Variants in RFC1 observed in about 807,000 individuals in gnomAD.
RFC1 encodes the protein A1 140 kDa subunit.
In RFC1, 37 loss-of-function variants were observed where a neutral mutation model predicts 137.4. The observed-to-expected ratio is 0.27, with a 90% CI of 0.21 to 0.35. RFC1 has a LOEUF of 0.35. Among genes scored for constraint, RFC1 ranks in the 10% least tolerant of loss-of-function variants. The pLI is 1.00. For synonymous variants in RFC1, 429 were observed against 455.7 expected (o/e 0.94, Z 0.75); for missense variants, 1,205 against 1,358.5 (o/e 0.89, Z 1.78).
chr4:39,303,200 T>C (rs753783240), intron 15 of RFC1, 49 bp from the exon 16 acceptor site: 8 of 1,282,944 alleles, frequency 6.2e-6, no homozygotes, highest in Non-Finnish European at 9.1e-6. Flanking sequence ...AAAATAACAA[T>C]TGCTCAAAAA....
At chr4:39,309,300 TGAAAAAAA>T (rs1268732973) in intron 12 of RFC1, among the ~76,000 whole-genome samples, 9 of 152,140 alleles carry the variant, frequency 5.9e-5, no homozygotes, top group Non-Finnish European at 1.2e-4. Flanking sequence ...AATTTTAGTT[TGAAAAAAA>T]CAAGGTACAG....
chr4:39,302,079 A>G (rs994177928), intron 19 of RFC1, among the ~76,000 whole-genome samples, 199 bp downstream of exon 19: 4 of 152,250 alleles, frequency 2.6e-5, no homozygotes, highest in Admixed American at 6.5e-5. Flanking sequence ...CTCAAAATTT[A>G]TAATTGACAT....
Position 39,326,596 on chromosome 4 carries a change from G to C in RFC1, c.609C>G (p.Ile203Met). The C allele has an allele frequency of 6.2e-7, 1 of 1,613,080 alleles. No homozygotes were observed. The highest frequency in any genetic ancestry group is 8.5e-7 in the Non-Finnish European group (1 of 1,179,304). ...TDESGLNDEA[I>M]AKQLQLDEDA... The stretch of plus-strand genomic sequence containing the variant: ...CTTCATCAAGCTGTAATTGCTTGGC[G>C]ATGGCTTCATCATTTAATCCAGACT... Residue 203 changes from isoleucine to methionine, a missense_variant, in exon 6 of 25, where the codon ATC (isoleucine) becomes ATG (methionine). Transcript: ENST00000349703.
chr4:39,365,321 C>CT, intron 1 of RFC1: 1 of 333,680 alleles, frequency 3.0e-6, no homozygotes, highest in Non-Finnish European at 4.3e-6. Context: ...CACCGCCCCC[C>CT]CCCAGAATGT....
intron 1 of RFC1, among the ~76,000 whole-genome samples, chr4:39,361,465 T>C (rs562169925): frequency 2.0e-5 from 3 of 152,334 alleles, no homozygotes; most frequent in East Asian, 3.9e-4. Context: ...AGTAAGCAGT[T>C]GGAGGGCTTT....
intron 6 of RFC1, among the ~76,000 whole-genome samples, chr4:39,325,179 C>T (rs1212430324): frequency 6.6e-6 from 1 of 152,154 alleles, no homozygotes; most frequent in African/African-American, 2.4e-5. Context: ...TAATGATTTC[C>T]AAATGTCCAT....
intron 10 of RFC1, 83 bp downstream of exon 10, chr4:39,316,832 G>T: frequency 1.3e-6 from 1 of 773,518 alleles, no homozygotes; most frequent in East Asian, 2.6e-5. Context: ...TTAATCCTCT[G>T]CTGCTATAAT....
intron 19 of RFC1, among the ~76,000 whole-genome samples, chr4:39,301,529 G>A (rs1161239260): frequency 6.6e-6 from 1 of 152,200 alleles, no homozygotes; most frequent in Non-Finnish European, 1.5e-5. Flanking sequence ...GTGCGTGTGA[G>A]GGGGACATGA....
At position 39,366,228 on chromosome 4, in the gene RFC1, C is replaced by A; in HGVS notation, c.3+11G>T. 6.4e-7 allele frequency: 1 copy of A among 1,553,186 alleles called. No individual in the cohort carries two copies. Among genetic ancestry groups the A allele is most frequent in the East Asian group, 2.5e-5 (1 of 40,558 alleles). On this transcript the variant is annotated intron_variant, in intron 1 of 24. Transcript: ENST00000349703. ...AGACCCCGAGCCGCACGGCCTCCCC[C>A]AGCGGCTCACCATCGCAGCCCCAGG...
chr4:39,324,388 C>T (rs1255468235), intron 6 of RFC1, among the ~76,000 whole-genome samples: 2 of 152,222 alleles, frequency 1.3e-5, no homozygotes, highest in East Asian at 3.9e-4. Context: ...ATACAAAGTA[C>T]CACACCTGGT....
chr4:39,355,069 G>A (rs1276776439), intron 1 of RFC1, among the ~76,000 whole-genome samples: 7 of 124,102 alleles, frequency 5.6e-5, no homozygotes, highest in South Asian at 5.1e-4. Context: ...GCGACAGAGC[G>A]ACACTCATCT....
rs371125399 is a variant in RFC1 at position 39,302,702 on chromosome 4, C to T, written c.2340+35G>A. ...AAAAATTGACCCTTAAATAAATAGG[C>T]TAGTGTGATGGAAAAAAAATTTCAA... On this transcript the variant is annotated intron_variant, in intron 17 of 24. Coordinates refer to ENST00000349703, the MANE Select transcript of RFC1 (RefSeq NM_002913.5). 1.5e-4 allele frequency: 235 copies of T among 1,544,806 alleles called. No individual in the cohort carries two copies. The African/African-American group carries it at 2.9e-3, about 19-fold the overall frequency.
rs972701883 is a variant in RFC1 at position 39,348,062 on chromosome 4, C to T, written c.133-2586G>A. 5.3e-5 allele frequency among the ~76,000 whole-genome samples: 8 copies of T among 152,050 alleles called. No individual in the cohort carries two copies. In the East Asian group the frequency reaches 9.6e-4, roughly 18 times the overall value. ...GGAAGAGATGAACTAATGAAGAAAC[C>T]GGTCAGCCAAAAGGGACCAGAACTT... is the stretch of plus-strand genomic sequence containing the variant. On this transcript the variant is annotated intron_variant, in intron 2 of 24. Transcript: ENST00000349703.
intron 4 of RFC1, among the ~76,000 whole-genome samples, chr4:39,330,265 G>A (rs1740032131): frequency 6.6e-6 from 1 of 152,016 alleles, no homozygotes; most frequent in Non-Finnish European, 1.5e-5. Context: ...CTAATGATAT[G>A]TAAAAATCAA....
At chr4:39,301,767 G>A (rs370610173) in intron 19 of RFC1, among the ~76,000 whole-genome samples, 4 of 152,172 alleles carry the variant, frequency 2.6e-5, no homozygotes, top group African/African-American at 7.2e-5. Context: ...GAAACATAGC[G>A]AGACCCTGTC....
intron 1 of RFC1, among the ~76,000 whole-genome samples, chr4:39,358,283 A>G (rs1741582912): frequency 1.3e-5 from 2 of 152,164 alleles, no homozygotes; most frequent in Non-Finnish European, 2.9e-5. Context: ...AAAAAAAAAG[A>G]AATTAAGTCC....
At chr4:39,296,054 G>A (rs1737973788) in intron 21 of RFC1, among the ~76,000 whole-genome samples, 1 of 152,100 alleles carries the variant, frequency 6.6e-6, no homozygotes, top group African/African-American at 2.4e-5. Context: ...TTACCTCACC[G>A]ATGCCAACGT....
chr4:39,327,381 G>A (rs1402512364), intron 5 of RFC1, 143 bp downstream of exon 5: 1 of 459,664 alleles, frequency 2.2e-6, no homozygotes, highest in African/African-American at 2.0e-5. Context: ...TAAAATGAGG[G>A]CAATACATTT....
At chr4:39,355,034 A>C (rs573201886) in intron 1 of RFC1, among the ~76,000 whole-genome samples, 87 of 150,476 alleles carry the variant, frequency 5.8e-4, no homozygotes, top group African/African-American at 2.1e-3. Flanking sequence ...GTAAGCCAAG[A>C]ATGCCCCTTT....
Sources: allele counts gnomAD v4.1 joint callset (sites outside exome capture counted in the v4.1 genomes callset), GRCh38; gene constraint gnomAD v4.1.1; transcripts MANE v1.5; gene names NCBI Gene and HGNC (gene_info 2026-07-23, HGNC 2026-07-21).